Variants in TBC1D20 observed in about 807,000 individuals in gnomAD.
TBC1D20 encodes the protein chromosome 20 open reading frame 140.
A neutral mutation model predicts 41.6 loss-of-function variants in TBC1D20; 12 were observed. That is an observed-to-expected ratio of 0.29 (90% CI 0.18 to 0.47). TBC1D20 has a LOEUF of 0.47. Among genes scored for constraint, TBC1D20 ranks in the 20% least tolerant of loss-of-function variants. The pLI is 1.00. For synonymous variants in TBC1D20, 205 were observed against 204.8 expected (o/e 1.00, Z -0.01); for missense variants, 421 against 517.4 (o/e 0.81, Z 1.81).
At chr20:445,706 G>C (rs1434225963) in intron 2 of TBC1D20, among the ~76,000 whole-genome samples, 4 of 152,232 alleles carry the variant, frequency 2.6e-5, no homozygotes, top group African/African-American at 9.6e-5. Context: ...AGCATGAAAG[G>C]AGGCAGTCTC....
At chr20:452,327 A>G in intron 1 of TBC1D20, among the ~76,000 whole-genome samples, 1 of 151,948 alleles carries the variant, frequency 6.6e-6, no homozygotes, top group Non-Finnish European at 1.5e-5. Context: ...ACAAACAAAA[A>G]AAAGTGTACA....
chr20:460,484 A>G (rs1312489090), intron 1 of TBC1D20, among the ~76,000 whole-genome samples: 2 of 152,028 alleles, frequency 1.3e-5, no homozygotes, highest in Non-Finnish European at 2.9e-5. Flanking sequence ...CCAGAAGACC[A>G]CAGCAGGAGA....
chr20:460,906 C>T (rs1020913751), intron 1 of TBC1D20, among the ~76,000 whole-genome samples: 1 of 151,190 alleles, frequency 6.6e-6, no homozygotes, highest in African/African-American at 2.5e-5. Context: ...GGTCACAAGA[C>T]CCATGCTGCC....
rs1464840295 is a variant in TBC1D20, at chr20:462,414, GC to G, written c.-10del. The G allele has an allele frequency of 7.4e-6, 9 of 1,220,146 alleles. No individual in the cohort carries two copies. Among genetic ancestry groups the G allele is most frequent in the South Asian group, 2.7e-5 (1 of 36,806 alleles). The allele number at this position is 1,220,146 out of a possible 1,614,324, so 75.6% of individuals were successfully genotyped here. On this transcript the variant is annotated 5_prime_UTR_variant, in exon 1 of 8. Transcript: ENST00000354200. ...GCACTCCGGAGGGCCATGCCCCGGGGCCCCGGGCCCCCACCCGAGCCCCGGC... is the reference window on the plus strand; with the variant it reads ...GCACTCCGGAGGGCCATGCCCCGGGGCCCGGGCCCCCACCCGAGCCCCGGC...
intron 1 of TBC1D20, among the ~76,000 whole-genome samples, chr20:456,026 C>T (rs900552621): frequency 2.6e-5 from 4 of 152,092 alleles, no homozygotes; most frequent in African/African-American, 9.7e-5. Context: ...GCTTATAATC[C>T]CAGCACTTTA....
chr20:447,846 C>T, intron 2 of TBC1D20, 43 bp downstream of exon 2: 2 of 1,527,304 alleles, frequency 1.3e-6, no homozygotes, highest in Non-Finnish European at 1.8e-6. Context: ...TTCCCCCTGT[C>T]TCCTAGATAA....
In TBC1D20 at chr20:439,524, GA is replaced by G. The variant is rs1398988579; in HGVS notation, c.769-230del. On this transcript the variant is annotated intron_variant, in intron 6 of 7. Transcript: ENST00000354200. The surrounding 1 kb of genome is among the most constrained non-coding windows in gnomAD (Gnocchi z 4.6). Reference sequence around the variant, plus strand: ...CTTCCACCACATGACATGAAAGGCTGACCAGTTACAATCTAAGTCCTTCGGG... The same window carrying G: ...CTTCCACCACATGACATGAAAGGCTGCCAGTTACAATCTAAGTCCTTCGGG... 2.0e-5 allele frequency among the ~76,000 whole-genome samples: 3 copies of G among 152,180 alleles called. No individual in the cohort carries two copies. Among genetic ancestry groups the G allele is most frequent in the Admixed American group, 2.0e-4 (3 of 15,284 alleles).
At chr20:443,777 G>A (rs111608369) in intron 3 of TBC1D20, among the ~76,000 whole-genome samples, 107 of 152,198 alleles carry the variant, frequency 7.0e-4, no homozygotes, top group Admixed American at 2.0e-3. Context: ...TACAGAAAGC[G>A]TATCACAGAT....
chr20:456,230 G>A (rs1411816902), intron 1 of TBC1D20, among the ~76,000 whole-genome samples: 2 of 152,160 alleles, frequency 1.3e-5, no homozygotes, highest in African/African-American at 4.8e-5. Context: ...GGGTGATAGA[G>A]TAAGACTCTG....
chr20:452,105 G>A (rs1274577592), intron 1 of TBC1D20, among the ~76,000 whole-genome samples: 2 of 151,912 alleles, frequency 1.3e-5, no homozygotes, highest in Non-Finnish European at 2.9e-5. Flanking sequence ...TCAGGTGTTC[G>A]AGACCAGCCT....
chr20:440,544 T>A, intron 5 of TBC1D20, 155 bp from the exon 6 acceptor site: 1 of 951,670 alleles, frequency 1.1e-6, no homozygotes, highest in African/African-American at 1.7e-5. Flanking sequence ...ACAAAATATT[T>A]AATACAAAGT....
In TBC1D20 at chr20:462,249, G is replaced by C. The variant is rs572714399; in HGVS notation, c.70+87C>G. 252 of 927,332 alleles carry C rather than the reference G, an allele frequency of 2.7e-4. No individual in the cohort carries two copies. In the African/African-American group the frequency reaches 3.8e-3, roughly 14 times the overall value. 57.4% of individuals were successfully genotyped at this position (927,332 alleles called of 1,614,324 possible). A position where few individuals can be genotyped will look rare whatever the true frequency, so the allele number is the denominator to read the frequency against. On this transcript the variant is annotated intron_variant, in intron 1 of 7. Coordinates refer to ENST00000354200, the MANE Select transcript of TBC1D20 (RefSeq NM_144628.4). ...CAGCAGCCCCGGGTCCCCAGCCCGC[G>C]CCCCTCCGGCGCCGCCTCCGCCAGC...
intron 3 of TBC1D20, among the ~76,000 whole-genome samples, chr20:442,329 C>T (rs1373667990): frequency 1.3e-5 from 2 of 152,214 alleles, no homozygotes; most frequent in Non-Finnish European, 2.9e-5. Context: ...GAGCCACAGA[C>T]GGCCTCTGCC....
intron 2 of TBC1D20, among the ~76,000 whole-genome samples, chr20:447,585 G>T (rs1186702827): frequency 6.6e-6 from 1 of 152,004 alleles, no homozygotes; most frequent in Non-Finnish European, 1.5e-5. Context: ...TTGAACCCAG[G>T]GGGCAGAGGT....
At position 439,491 on chromosome 20, in the gene TBC1D20, C is replaced by T. The variant is rs1568574695; in HGVS notation, c.769-196G>A. ...GTGCTACTCCTACTCTCTGGCCCTT[C>T]CTGCAAACTTCCACCACATGACATG... On this transcript the variant is annotated intron_variant, in intron 6 of 7. Coordinates refer to ENST00000354200, the MANE Select transcript of TBC1D20 (RefSeq NM_144628.4). The surrounding 1 kb of genome is among the most constrained non-coding windows in gnomAD (Gnocchi z 4.6). Among the ~76,000 whole-genome samples the T allele has an allele frequency of 1.3e-5, 2 of 152,176 alleles. No homozygotes were observed. Among genetic ancestry groups the T allele is most frequent in the African/African-American group, 2.4e-5 (1 of 41,442 alleles).
rs10580827 is a variant in TBC1D20 at position 460,434 on chromosome 20, C to CAA, written c.70+1900_70+1901dup. On this transcript the variant is annotated intron_variant, in intron 1 of 7. Coordinates refer to ENST00000354200, the MANE Select transcript of TBC1D20 (RefSeq NM_144628.4). ...GGTGACAGGGCAAGATCCCATCTCT[C>CAA]AAAAAAAAAAAAAAAAAATGCTTTA... is the stretch of plus-strand genomic sequence containing the variant. Among the ~76,000 whole-genome samples the CAA allele has an allele frequency of 5.5e-3, 712 of 128,740 alleles. 3 individuals are homozygous for CAA. The highest frequency in any genetic ancestry group is 0.019 in the African/African-American group (660 of 34,066). The allele number at this position is 128,740 out of a possible 152,430, so 84.5% of individuals were successfully genotyped here.
chr20:456,933 AT>A (rs11471255), intron 1 of TBC1D20, among the ~76,000 whole-genome samples: 1,528 of 128,180 alleles, frequency 0.012, 7 homozygotes, highest in African/African-American at 0.027. Flanking sequence ...CCTTCTTTTA[AT>A]TTTTTTTTTT....
intron 3 of TBC1D20, among the ~76,000 whole-genome samples, chr20:443,991 C>A (rs2017285379): frequency 6.6e-6 from 1 of 151,956 alleles, no homozygotes; most frequent in Admixed American, 6.6e-5. Flanking sequence ...ATTAGCTGGG[C>A]GTGGTGGCGG....
In TBC1D20 at chr20:435,616, T is replaced by G. The variant is rs1392658022; in HGVS notation, c.*2970A>C. The G allele has an allele frequency of 6.5e-6, 1 of 153,412 alleles. No individual in the cohort carries two copies. The highest frequency in any genetic ancestry group is 2.4e-5 in the African/African-American group (1 of 41,378). The allele number at this position is 153,412 out of a possible 1,614,324, so 9.5% of individuals were successfully genotyped here. On this transcript the variant is annotated 3_prime_UTR_variant, in exon 8 of 8. Coordinates refer to ENST00000354200, the MANE Select transcript of TBC1D20 (RefSeq NM_144628.4). The stretch of plus-strand genomic sequence containing the variant: ...AGCTTCTGTCCCCATGGAGTGGGGG[T>G]GCGCCACCCTCTTGGCACATGGACA...
Sources: allele counts gnomAD v4.1 joint callset (sites outside exome capture counted in the v4.1 genomes callset), GRCh38; gene constraint gnomAD v4.1.1; non-coding constraint Gnocchi (gnomAD v3.1); transcripts MANE v1.5; gene names NCBI Gene and HGNC (gene_info 2026-07-23, HGNC 2026-07-21).